The following TLK1 variants were observed in gnomAD, a reference collection of about 807,000 sequenced individuals.
The protein encoded by TLK1 is serine/threonine-protein kinase tousled-like 1.
Under a neutral mutation model 105.3 loss-of-function variants are expected in TLK1, and 24 were observed. The observed-to-expected ratio is 0.23, with a 90% CI of 0.17 to 0.32. The LOEUF (loss-of-function observed/expected upper bound fraction) is 0.32. Ranked by LOEUF, TLK1 falls within the 10% of genes least tolerant of loss-of-function variation. The pLI is 1.00. For missense variants in TLK1, 558 were observed against 910.5 expected (o/e 0.61, Z 4.98); for synonymous variants, 321 against 310.4 (o/e 1.03, Z -0.36).
intron 4 of TLK1, 120 bp from the exon 5 acceptor site, chr2:171,058,317 A>T (rs747751628): frequency 7.5e-5 from 66 of 877,190 alleles, no homozygotes; most frequent in Non-Finnish European, 1.2e-4. Context: ...ACATTTCAAT[A>T]GAGACATGCC....
chr2:171,161,199 C>G (rs1380063445), upstream of TLK1, among the ~76,000 whole-genome samples: 4 of 149,626 alleles, frequency 2.7e-5, no homozygotes, highest in Non-Finnish European at 4.5e-5. Flanking sequence ...GGGAGGCGCG[C>G]CCCCGCCGCG....
chr2:171,227,408 A>G (rs1420695646), intron 1 of TLK1, among the ~76,000 whole-genome samples: 3 of 152,076 alleles, frequency 2.0e-5, no homozygotes, highest in African/African-American at 7.2e-5. Context: ...ATTTGCTACA[A>G]CTGCAGGAGA....
chr2:171,104,606 G>T (rs1689836118), intron 2 of TLK1, among the ~76,000 whole-genome samples: 3 of 152,082 alleles, frequency 2.0e-5, no homozygotes. Flanking sequence ...AAGCAATACA[G>T]AGCTAAAAGA....
At chr2:171,105,613 G>C (rs894040743) in intron 2 of TLK1, among the ~76,000 whole-genome samples, 1 of 152,166 alleles carries the variant, frequency 6.6e-6, no homozygotes, top group Non-Finnish European at 1.5e-5. Context: ...TTGAAACCAG[G>C]AGGCGGAGGC....
At chr2:171,100,475 C>G (rs1403182661) in intron 2 of TLK1, among the ~76,000 whole-genome samples, 2 of 152,144 alleles carry the variant, frequency 1.3e-5, no homozygotes, top group African/African-American at 4.8e-5. Flanking sequence ...TCACACATAT[C>G]CACTTCCCCT....
intron 1 of TLK1, among the ~76,000 whole-genome samples, chr2:171,192,913 T>C (rs925241973): frequency 6.6e-6 from 1 of 152,226 alleles, no homozygotes; most frequent in Non-Finnish European, 1.5e-5. Flanking sequence ...TACTTGATCA[T>C]GTTTCCATGC....
chr2:171,088,437 A>G (rs1212367090), intron 2 of TLK1, among the ~76,000 whole-genome samples: 1 of 152,252 alleles, frequency 6.6e-6, no homozygotes, highest in African/African-American at 2.4e-5. Flanking sequence ...ACAAAGTCCA[A>G]TATCACTCAA....
At chr2:171,033,447 G>C (rs548897340) in intron 11 of TLK1, among the ~76,000 whole-genome samples, 3 of 151,834 alleles carry the variant, frequency 2.0e-5, no homozygotes, top group Non-Finnish European at 4.4e-5. Flanking sequence ...GGGGGCAAAA[G>C]GTGGGGTTGG....
chr2:171,108,663 G>A (rs950220151), intron 2 of TLK1, among the ~76,000 whole-genome samples: 13 of 151,912 alleles, frequency 8.6e-5, no homozygotes, highest in African/African-American at 3.1e-4. Flanking sequence ...GAGTGAAGTA[G>A]CATGATCTCA....
At chr2:171,147,551 AC>A (rs1465840204) in intron 1 of TLK1, among the ~76,000 whole-genome samples, 12 of 151,950 alleles carry the variant, frequency 7.9e-5, no homozygotes, top group Admixed American at 2.6e-4. Flanking sequence ...TTATGTTTTA[AC>A]TATCACTATT....
Position 171,104,159 on chromosome 2 carries a change from C to T in TLK1, c.258+13580G>A, listed in dbSNP as rs145258742. Among the ~76,000 whole-genome samples, 851 of 151,700 alleles carry T rather than the reference C, an allele frequency of 5.6e-3. 5 individuals carry two copies. Among genetic ancestry groups the T allele is most frequent in the Non-Finnish European group, 9.0e-3 (610 of 67,892 alleles). ...GGCATGGTGGTGGGCGCCTGTAATC[C>T]CAGCTACTTGGGAGGCTGAGGCATG... On this transcript the variant is annotated intron_variant, in intron 2 of 20. Coordinates refer to ENST00000431350, the MANE Select transcript of TLK1 (RefSeq NM_012290.5).
intron 12 of TLK1, 141 bp from the exon 13 acceptor site, chr2:171,015,089 C>T (rs1329561673): frequency 3.1e-6 from 2 of 646,166 alleles, no homozygotes; most frequent in African/African-American, 1.8e-5. Context: ...GACCAAAGTG[C>T]TCTTTTCAAT....
At chr2:171,155,822 G>A (rs1295910601) in intron 1 of TLK1, 1 of 152,140 alleles carries the variant, frequency 6.6e-6, no homozygotes, top group Non-Finnish European at 1.5e-5. Flanking sequence ...TAAAAAATTA[G>A]ACTGACCTCA....
At chr2:171,045,402 G>A (rs1307033887) in intron 11 of TLK1, 1 of 47,978 alleles carries the variant, frequency 2.1e-5, no homozygotes, top group East Asian at 7.2e-4. Context: ...GCTAATTTTT[G>A]TATTTTCAGT....
At chr2:171,205,205 C>G (rs565292812) in intron 1 of TLK1, among the ~76,000 whole-genome samples, 1 of 152,038 alleles carries the variant, frequency 6.6e-6, no homozygotes, top group African/African-American at 2.4e-5. Context: ...AGAGTAAGAC[C>G]CTGTCTCTAA....
intron 3 of TLK1, among the ~76,000 whole-genome samples, chr2:171,075,628 A>T (rs1688465821): frequency 6.6e-6 from 1 of 152,192 alleles, no homozygotes; most frequent in Non-Finnish European, 1.5e-5. Flanking sequence ...CTTCTCCAAC[A>T]TTAATTATTA....
chr2:171,165,860 G>C (rs988777618), upstream of TLK1, among the ~76,000 whole-genome samples: 1 of 152,020 alleles, frequency 6.6e-6, no homozygotes, highest in Non-Finnish European at 1.5e-5. Flanking sequence ...GCAGTGAGCC[G>C]AGATTGCACC....
At chr2:171,155,108 A>G (rs1692183638) in intron 1 of TLK1, among the ~76,000 whole-genome samples, 1 of 152,208 alleles carries the variant, frequency 6.6e-6, no homozygotes, top group Admixed American at 6.5e-5. Flanking sequence ...CAATTTAAAC[A>G]CTTTTCTTTC....
chr2:171,076,416 C>T (rs1372154592), intron 3 of TLK1, among the ~76,000 whole-genome samples: 2 of 152,082 alleles, frequency 1.3e-5, no homozygotes, highest in African/African-American at 4.8e-5. Flanking sequence ...ATGCTTGACA[C>T]CATGCTCTTG....
Sources: gnomAD v4.1 joint callset for allele counts (sites outside exome capture counted in the v4.1 genomes callset) on GRCh38, gnomAD v4.1.1 for gene constraint, MANE v1.5 for transcripts, NCBI Gene and HGNC (gene_info 2026-07-23, HGNC 2026-07-21) for gene names.